EYS: variants seen among roughly 807,000 people sequenced by gnomAD.
EYS encodes protein eyes shut homolog.
EYS carries 250 observed loss-of-function variants against 282.1 expected under a neutral mutation model. The ratio of observed to expected loss-of-function variants is 0.89; its 90% CI spans 0.80 to 0.98. The LOEUF (loss-of-function observed/expected upper bound fraction) is 0.98. EYS is among the 50% of genes least tolerant of loss of function. EYS has a pLI of 0.00. For synonymous variants in EYS, 1,355 were observed against 1,282.9 expected (o/e 1.06, Z -1.20); for missense variants, 4,016 against 3,709.0 (o/e 1.08, Z -2.15).
rs151249272 is a variant in EYS, at chr6:65,197,211, G to A, written c.2023+98652C>T. 1.1e-3 allele frequency among the ~76,000 whole-genome samples: 174 copies of A among 152,076 alleles called. 5 individuals carry two copies. The East Asian group carries it at 0.028, about 24-fold the overall frequency. ...TGATGTGGGGGCATATAATAACGACGCTAAAATAAATATGTAGAAAGGATA... is the reference window on the plus strand; with the variant it reads ...TGATGTGGGGGCATATAATAACGACACTAAAATAAATATGTAGAAAGGATA... On this transcript the variant is annotated intron_variant, in intron 12 of 42. Transcript: ENST00000503581.
intron 2 of EYS, among the ~76,000 whole-genome samples, chr6:65,594,011 T>G (rs1411777418): frequency 6.6e-6 from 1 of 151,912 alleles, no homozygotes; most frequent in East Asian, 1.9e-4. Context: ...AGCATAGACA[T>G]GATACAACCC....
At chr6:63,806,147 T>C in intron 37 of EYS, 43 bp downstream of exon 37, 1 of 1,492,022 alleles carries the variant, frequency 6.7e-7, no homozygotes, top group South Asian at 1.3e-5. Context: ...TAAAGTATTC[T>C]TAAAGGAGCG....
chr6:65,131,302 C>A (rs1283976862), intron 12 of EYS, among the ~76,000 whole-genome samples: 2 of 151,840 alleles, frequency 1.3e-5, no homozygotes, highest in African/African-American at 4.8e-5. Flanking sequence ...ATGGCACATA[C>A]TCTAAAATTA....
At chr6:64,965,776 T>C (rs1357135437) in intron 14 of EYS, among the ~76,000 whole-genome samples, 1 of 152,152 alleles carries the variant, frequency 6.6e-6, no homozygotes. Flanking sequence ...TAGATACATA[T>C]ATTAAGATAC....
At chr6:64,462,299 A>G (rs1388128708) in intron 26 of EYS, among the ~76,000 whole-genome samples, 1 of 152,202 alleles carries the variant, frequency 6.6e-6, no homozygotes, top group African/African-American at 2.4e-5. Flanking sequence ...TCAAAACGAG[A>G]GATATAAAAA....
chr6:65,423,610 A>T (rs547114357), intron 5 of EYS, among the ~76,000 whole-genome samples: 1 of 152,016 alleles, frequency 6.6e-6, no homozygotes, highest in African/African-American at 2.4e-5. Context: ...CACACATTAT[A>T]AACCTCTGGC....
chr6:64,852,046 T>C (rs968060486), intron 19 of EYS, among the ~76,000 whole-genome samples: 2 of 152,066 alleles, frequency 1.3e-5, no homozygotes, highest in Non-Finnish European at 2.9e-5. Context: ...GATCATGATT[T>C]TGGGGTAGCC....
chr6:64,240,372 T>A (rs1054968002), intron 30 of EYS, among the ~76,000 whole-genome samples: 1 of 152,242 alleles, frequency 6.6e-6, no homozygotes, highest in Admixed American at 6.5e-5. Context: ...ATATTGCTAC[T>A]TCCTATCCAT....
chr6:65,702,839 A>C, intron 1 of EYS, among the ~76,000 whole-genome samples: 1 of 152,012 alleles, frequency 6.6e-6, no homozygotes, highest in East Asian at 1.9e-4. Flanking sequence ...TTATGTGTCA[A>C]CTTGGCTAGG....
At chr6:64,921,186 A>T (rs1392452004) in intron 15 of EYS, among the ~76,000 whole-genome samples, 1 of 152,188 alleles carries the variant, frequency 6.6e-6, no homozygotes, top group East Asian at 1.9e-4. Flanking sequence ...GACTATATGC[A>T]TATAACACCA....
intron 36 of EYS, among the ~76,000 whole-genome samples, chr6:63,824,117 C>T (rs952491167): frequency 1.3e-5 from 2 of 152,210 alleles, no homozygotes; most frequent in East Asian, 3.8e-4. Context: ...GTCTCTCTTT[C>T]ATTTATAACG....
intron 15 of EYS, among the ~76,000 whole-genome samples, chr6:64,936,242 A>T (rs965926996): frequency 6.6e-6 from 1 of 151,238 alleles, no homozygotes; most frequent in Non-Finnish European, 1.5e-5. Flanking sequence ...AACACATTTT[A>T]TAAAAAACAA....
chr6:63,741,423 A>G (rs929202534), intron 41 of EYS, among the ~76,000 whole-genome samples: 1 of 152,226 alleles, frequency 6.6e-6, no homozygotes, highest in Non-Finnish European at 1.5e-5. Flanking sequence ...CAATATTTTG[A>G]GTAAAGATAT....
At chr6:63,852,156 CAAAAAAAAA>C (rs67772165) in intron 36 of EYS, among the ~76,000 whole-genome samples, 2 of 54,986 alleles carry the variant, frequency 3.6e-5, no homozygotes, top group Non-Finnish European at 5.9e-5. Context: ...GACTCTGTCT[CAAAAAAAAA>C]AAAAAAAAAA....
intron 26 of EYS, among the ~76,000 whole-genome samples, chr6:64,558,361 G>C (rs1292393682): frequency 6.6e-6 from 1 of 152,052 alleles, no homozygotes; most frequent in Non-Finnish European, 1.5e-5. Flanking sequence ...AGTGGAGGAA[G>C]AAAAACATGC....
At chr6:65,207,946 T>C (rs760134805) in intron 12 of EYS, among the ~76,000 whole-genome samples, 3 of 151,598 alleles carry the variant, frequency 2.0e-5, no homozygotes, top group African/African-American at 7.3e-5. Flanking sequence ...GAAAACCACA[T>C]TGGCCTAAGC....
At position 65,635,401 on chromosome 6, in the gene EYS, A is replaced by G. The variant is rs1177592902; in HGVS notation, c.-333+4377T>C. On this transcript the variant is annotated intron_variant, in intron 2 of 42. Transcript: ENST00000503581. ...AGATCTGATTTAACCACCCCGCCCC[A>G]TCTTGCCTTTCCCTTCAACATTCCT... 2.0e-5 allele frequency among the ~76,000 whole-genome samples: 3 copies of G among 152,164 alleles called. No individual in the cohort carries two copies. In the South Asian group the frequency reaches 6.2e-4, roughly 32 times the overall value.
chr6:64,344,869 A>G (rs1771308559), intron 29 of EYS, among the ~76,000 whole-genome samples: 1 of 152,176 alleles, frequency 6.6e-6, no homozygotes, highest in South Asian at 2.1e-4. Flanking sequence ...TACAAAATCA[A>G]TGTGCAAAAA....
At chr6:64,508,378 A>G (rs1777278271) in intron 26 of EYS, among the ~76,000 whole-genome samples, 1 of 151,918 alleles carries the variant, frequency 6.6e-6, no homozygotes, top group African/African-American at 2.4e-5. Context: ...GTCAAGAATT[A>G]TGGGTTCTTT....
Sources: allele counts gnomAD v4.1 joint callset (sites outside exome capture counted in the v4.1 genomes callset), GRCh38; gene constraint gnomAD v4.1.1; transcripts MANE v1.5; gene names NCBI Gene and HGNC (gene_info 2026-07-23, HGNC 2026-07-21).